Variants in SAMHD1 observed in about 807,000 individuals in gnomAD.
The protein encoded by SAMHD1 is SAM and HD domain containing deoxynucleoside triphosphate triphosphohydrolase 1.
Under a neutral mutation model 79.6 loss-of-function variants are expected in SAMHD1, and 54 were observed. The observed-to-expected ratio is 0.68, with a 90% CI of 0.55 to 0.85. SAMHD1 has a LOEUF of 0.85. Ranked by LOEUF, SAMHD1 falls within the 40% of genes least tolerant of loss-of-function variation. The pLI is 0.00. For synonymous variants in SAMHD1, 260 were observed against 264.1 expected, an observed-to-expected ratio of 0.98 and a Z score of 0.15; for missense variants, 663 against 782.7, an observed-to-expected ratio of 0.85 and a Z score of 1.82.
intron 4 of SAMHD1, among the ~76,000 whole-genome samples, chr20:36,931,550 T>C (rs1029743309): frequency 6.6e-6 from 1 of 152,012 alleles, no homozygotes; most frequent in Non-Finnish European, 1.5e-5. Context: ...GGCAGGAGAA[T>C]TGCTTGAACC....
At chr20:36,934,952 C>A in intron 4 of SAMHD1, 77 bp downstream of exon 4, 1 of 1,492,166 alleles carries the variant, frequency 6.7e-7, no homozygotes, top group Non-Finnish European at 9.3e-7. Flanking sequence ...GCCACCATGC[C>A]TGGCCTAAGA....
chr20:36,898,467 G>A lies in SAMHD1; in HGVS notation c.1581C>T (p.Asn527=). The A allele has an allele frequency of 6.2e-7, 1 of 1,613,794 alleles. No individual in the cohort carries two copies. The highest frequency in any genetic ancestry group is 8.5e-7 in the Non-Finnish European group (1 of 1,179,776). Residue 527 remains asparagine, a synonymous_variant, in exon 14 of 16, where the codon AAC becomes AAT. Transcript: ENST00000646673. ...HVSFYCKTAP[N]RAIRITKNQV... is the part of the protein sequence containing the mutation. ...GGTTTTTAGTAATCCTGATTGCTCT[G>A]TTGGGGGCAGTCTTACAATAGAAGC... is the stretch of plus-strand genomic sequence containing the variant.
chr20:36,946,895 A>G, intron 1 of SAMHD1, 91 bp from the exon 2 acceptor site: 12 of 982,112 alleles, frequency 1.2e-5, no homozygotes, highest in South Asian at 5.5e-5. Flanking sequence ...CCAGATCCAC[A>G]TAAGTGAGTA....
chr20:36,944,313 C>T (rs1455869531), intron 2 of SAMHD1, among the ~76,000 whole-genome samples: 1 of 142,698 alleles, frequency 7.0e-6, no homozygotes, highest in South Asian at 2.2e-4. Flanking sequence ...AGTGAGACTT[C>T]GTCTCAAAAA....
At chr20:36,938,175 T>A (rs1331092517) in intron 3 of SAMHD1, among the ~76,000 whole-genome samples, 2 of 152,142 alleles carry the variant, frequency 1.3e-5, no homozygotes, top group African/African-American at 2.4e-5. Context: ...GCCAACAATG[T>A]TCTTTTTACA....
intron 6 of SAMHD1, among the ~76,000 whole-genome samples, chr20:36,923,061 C>T (rs989456661): frequency 1.3e-5 from 2 of 152,096 alleles, no homozygotes; most frequent in East Asian, 1.9e-4. Context: ...AGTGCAGTGG[C>T]GTGATTTCAG....
intron 2 of SAMHD1, among the ~76,000 whole-genome samples, chr20:36,942,275 C>T (rs777667737): frequency 6.6e-6 from 1 of 151,958 alleles, no homozygotes; most frequent in Non-Finnish European, 1.5e-5. Flanking sequence ...ATTAGCCAGG[C>T]GTGGTGGTGG....
At chr20:36,893,454 G>A (rs1990130493) in intron 15 of SAMHD1, 2 of 298,872 alleles carry the variant, frequency 6.7e-6, no homozygotes, top group African/African-American at 2.1e-5. Context: ...AAAAGGCCCA[G>A]GTCTACAAGA....
At chr20:36,932,990 C>G (rs1442230123) in intron 4 of SAMHD1, among the ~76,000 whole-genome samples, 1 of 152,070 alleles carries the variant, frequency 6.6e-6, no homozygotes, top group Non-Finnish European at 1.5e-5. Flanking sequence ...TACTTAAATG[C>G]ACTTCCAGCA....
intron 14 of SAMHD1, 84 bp from the exon 15 acceptor site, chr20:36,898,043 T>C (rs1209267439): frequency 7.3e-7 from 1 of 1,379,268 alleles, no homozygotes; most frequent in African/African-American, 1.4e-5. Context: ...TAACTATTCC[T>C]TTTTTTTTGA....
rs1568754654 is a variant in SAMHD1 at position 36,890,398 on chromosome 20, C to CTTTCTTTCTT, written c.*2524_*2533dup. 2 of 145,742 alleles carry CTTTCTTTCTT rather than the reference C, an allele frequency of 1.4e-5. No homozygotes were observed. The highest frequency in any genetic ancestry group is 3.0e-5 in the Non-Finnish European group (2 of 66,946). The allele number at this position is 145,742 out of a possible 1,614,324, so 9.0% of individuals were successfully genotyped here. A position where few individuals can be genotyped will look rare whatever the true frequency, so the allele number is the denominator to read the frequency against. ...ACAAATAGCAAAGATATTTCTTTCT[C>CTTTCTTTCTT]TTTCTTTCTTTCTTTCTTTCTTTTC... On this transcript the variant is annotated 3_prime_UTR_variant, in exon 16 of 16. Transcript: ENST00000646673.
chr20:36,943,000 C>A (rs1349806420), intron 2 of SAMHD1, among the ~76,000 whole-genome samples: 1 of 152,042 alleles, frequency 6.6e-6, no homozygotes, highest in Non-Finnish European at 1.5e-5. Flanking sequence ...AATGGTTGTT[C>A]ATAAAATTGA....
At chr20:36,912,199 C>T (rs531060978) in intron 10 of SAMHD1, 73 of 468,332 alleles carry the variant, frequency 1.6e-4, no homozygotes, top group African/African-American at 1.4e-3. Flanking sequence ...ACTGCCGCTT[C>T]ACGTCTGGCC....
chr20:36,914,327 A>T (rs2063462778), intron 9 of SAMHD1, among the ~76,000 whole-genome samples: 2 of 151,460 alleles, frequency 1.3e-5, no homozygotes, highest in Non-Finnish European at 2.9e-5. Flanking sequence ...TAGTAAATAT[A>T]CTTTCTCTGC....
intron 10 of SAMHD1, 70 bp downstream of exon 10, chr20:36,912,391 G>A (rs1247666456): frequency 3.3e-6 from 3 of 897,780 alleles, no homozygotes; most frequent in Non-Finnish European, 5.6e-6. Flanking sequence ...ATGTCTAGTT[G>A]AGCCTAGTAT....
intron 12 of SAMHD1, chr20:36,904,717 A>AAAAC (rs377128819): frequency 3.3e-5 from 6 of 182,688 alleles, no homozygotes; most frequent in South Asian, 1.1e-4. Flanking sequence ...ACTCTGTCTA[A>AAAAC]AAACAAACAA....
intron 3 of SAMHD1, among the ~76,000 whole-genome samples, chr20:36,939,602 GAAAGAAAGA>G (rs1359022844): frequency 3.8e-5 from 2 of 52,386 alleles, no homozygotes; most frequent in East Asian, 6.6e-4. Flanking sequence ...CTCAAAAAAA[GAAAGAAAGA>G]AAAGAAGTCT....
rs528857156 is a variant in SAMHD1 at position 36,949,147 on chromosome 20, C to T, written c.208+2289G>A. On this transcript the variant is annotated intron_variant, in intron 1 of 15. Coordinates refer to ENST00000646673, the MANE Select transcript of SAMHD1 (RefSeq NM_015474.4). ...GGCGTGGTGGCGTGCACCTGTAATC[C>T]CAGCAACTAGGGAGGCTGAGGCAGG... Among the ~76,000 whole-genome samples the T allele has an allele frequency of 6.7e-5, 10 of 149,710 alleles. No individual in the cohort carries two copies. In the South Asian group the frequency reaches 2.1e-3, roughly 32 times the overall value.
downstream of SAMHD1, chr20:36,890,131 A>C (rs567155993): frequency 3.9e-5 from 6 of 152,290 alleles, no homozygotes; most frequent in East Asian, 1.2e-3. Flanking sequence ...CTGTTATTTA[A>C]TTTCACAATG....
Sources: allele counts gnomAD v4.1 joint callset (sites outside exome capture counted in the v4.1 genomes callset), GRCh38; gene constraint gnomAD v4.1.1; transcripts MANE v1.5; gene names NCBI Gene and HGNC (gene_info 2026-07-23, HGNC 2026-07-21).